CASTOR2: variants seen among roughly 807,000 people sequenced by gnomAD.
CASTOR2 encodes the protein cytosolic arginine sensor for mTORC1 subunit 2, also known as GATS protein like 2.
Under a neutral mutation model 31.2 loss-of-function variants are expected in CASTOR2, and 8 were observed. The ratio of observed to expected loss-of-function variants is 0.26; its 90% CI spans 0.15 to 0.46. The LOEUF (loss-of-function observed/expected upper bound fraction) is 0.46, where lower values mean the gene tolerates loss of function less well. Ranked by LOEUF, CASTOR2 falls within the 20% of genes least tolerant of loss-of-function variation. The probability of loss-of-function intolerance (pLI) is 0.99; values close to 1 mark genes in which losing one functional copy is unlikely to be tolerated. For missense variants in CASTOR2, 216 were observed against 382.1 expected, an observed-to-expected ratio of 0.57 and a Z score of 3.62; for synonymous variants, 162 against 158.7, an observed-to-expected ratio of 1.02 and a Z score of -0.16.
intron 6 of CASTOR2, 42 bp downstream of exon 6, chr7:75,020,191 C>T (rs1804959844): frequency 6.5e-7 from 1 of 1,536,644 alleles, no homozygotes; most frequent in Non-Finnish European, 8.8e-7. Context: ...CAGGGTGGGC[C>T]CCAGGGTCTG....
intron 2 of CASTOR2, among the ~76,000 whole-genome samples, 161 bp downstream of exon 2, chr7:75,008,225 G>T: frequency 6.6e-6 from 1 of 152,086 alleles, no homozygotes; most frequent in Non-Finnish European, 1.5e-5. Context: ...AAACAGCAGA[G>T]TGTATTTCCT....
chr7:75,004,210 G>A (rs1804559809), intron 1 of CASTOR2, among the ~76,000 whole-genome samples: 3 of 152,088 alleles, frequency 2.0e-5, no homozygotes, highest in Non-Finnish European at 2.9e-5. Context: ...GGAAGGGTCC[G>A]GGCCTGACCA....
At chr7:74,976,540 CCTCCTCCT>C (rs1803813564) in intron 1 of CASTOR2, among the ~76,000 whole-genome samples, 1 of 23,054 alleles carries the variant, frequency 4.3e-5, no homozygotes, top group Non-Finnish European at 1.7e-4. Flanking sequence ...GTCTCCTCCT[CCTCCTCCT>C]CCTCCTCCTC....
rs2131962902 is a variant in CASTOR2 at position 75,028,042 on chromosome 7, G to A, written c.*3343G>A. 6.5e-7 allele frequency: 1 copy of A among 1,534,838 alleles called. No homozygotes were observed. The highest frequency in any genetic ancestry group is 8.7e-7 in the Non-Finnish European group (1 of 1,146,722). On this transcript the variant is annotated 3_prime_UTR_variant, in exon 9 of 9. Transcript: ENST00000616305. ...ATCCCCCGGAGGTAATCAGAGGAGT[G>A]GGCCTGTTGTCTTGGCGCTGGCGGA...
At chr7:74,991,431 C>T (rs1369000168) in intron 1 of CASTOR2, among the ~76,000 whole-genome samples, 2 of 150,524 alleles carry the variant, frequency 1.3e-5, no homozygotes, top group Non-Finnish European at 3.0e-5. Flanking sequence ...AGTGCCCCTA[C>T]CCACCCCACC....
At position 75,031,287 on chromosome 7, in the gene CASTOR2, G is replaced by A. The variant is rs895987595; in HGVS notation, c.*6588G>A. 4.6e-5 allele frequency among the ~76,000 whole-genome samples: 7 copies of A among 152,068 alleles called. No individual in the cohort carries two copies. The highest frequency in any genetic ancestry group is 2.1e-4 in the South Asian group (1 of 4,834). ...CAACCCCCTCCAACCCTCACCTGGCGTGCCCGGGTCACCAGCAGCAGCAGC... is the reference window on the plus strand; with the variant it reads ...CAACCCCCTCCAACCCTCACCTGGCATGCCCGGGTCACCAGCAGCAGCAGC... On this transcript the variant is annotated 3_prime_UTR_variant, in exon 9 of 9. Coordinates refer to ENST00000616305, the MANE Select transcript of CASTOR2 (RefSeq NM_001145064.3).
In CASTOR2 at chr7:75,030,352, G is replaced by A. The variant is rs1805266962; in HGVS notation, c.*5653G>A. On this transcript the variant is annotated 3_prime_UTR_variant, in exon 9 of 9. Coordinates refer to ENST00000616305, the MANE Select transcript of CASTOR2 (RefSeq NM_001145064.3). ...TTCTCAGTAGCAGTCTTGTTGTCAG[G>A]CCTTGAGTGCAGAAATGATTAGGTG... Among the ~76,000 whole-genome samples the A allele has an allele frequency of 6.6e-6, 1 of 152,324 alleles. No homozygotes were observed. The highest frequency in any genetic ancestry group is 2.4e-5 in the African/African-American group (1 of 41,570).
At chr7:75,023,093 G>A (rs1251145831) in intron 7 of CASTOR2, among the ~76,000 whole-genome samples, 1 of 152,154 alleles carries the variant, frequency 6.6e-6, no homozygotes, top group Non-Finnish European at 1.5e-5. Context: ...AGGATCACAA[G>A]GTCAGGAGAT....
chr7:75,020,688 A>T (rs1051360463), intron 6 of CASTOR2, among the ~76,000 whole-genome samples: 1 of 151,728 alleles, frequency 6.6e-6, no homozygotes, highest in Non-Finnish European at 1.5e-5. Flanking sequence ...ACCAGGTTTC[A>T]CCATGTTAGC....
intron 6 of CASTOR2, among the ~76,000 whole-genome samples, chr7:75,020,412 G>C (rs1026358271): frequency 1.1e-4 from 17 of 151,440 alleles, no homozygotes; most frequent in Non-Finnish European, 1.9e-4. Context: ...TGTATTTTTA[G>C]TAAAGACAGG....
rs2131953985 is a variant in CASTOR2, at chr7:75,017,682, G to A, written c.269G>A (p.Ser90Asn). The change falls in exon 3 of 9, where the codon AGC becomes AAC. Residue 90 changes from serine to asparagine, a missense_variant. Transcript: ENST00000616305. ...NVVSGGGSFS[S>N]SQPIGVTKIA... ...GTGTCCGGCGGTGGCAGCTTCTCCA[G>A]CTCCCAGCCCATCGGCGTGACCAAG... 2.5e-6 allele frequency: 4 copies of A among 1,614,024 alleles called. No homozygotes were observed. Among genetic ancestry groups the A allele is most frequent in the Non-Finnish European group, 3.4e-6 (4 of 1,179,872 alleles).
intron 1 of CASTOR2, among the ~76,000 whole-genome samples, chr7:74,988,264 GATT>G (rs1483417718): frequency 6.6e-6 from 1 of 151,504 alleles, no homozygotes; most frequent in African/African-American, 2.4e-5. Flanking sequence ...AAGTAGCTGA[GATT>G]ACAAGTGCCC....
intron 1 of CASTOR2, among the ~76,000 whole-genome samples, chr7:75,007,542 C>T (rs1804634699): frequency 6.6e-6 from 1 of 152,044 alleles, no homozygotes; most frequent in Non-Finnish European, 1.5e-5. Context: ...ATTTTTATGA[C>T]TTGGAGCTCC....
chr7:75,025,802 A>C lies in CASTOR2; in HGVS notation c.*1103A>C, dbSNP rs2131960675. Among the ~76,000 whole-genome samples the C allele has an allele frequency of 6.6e-6, 1 of 152,242 alleles. No individual in the cohort carries two copies. Among genetic ancestry groups the C allele is most frequent in the African/African-American group, 2.4e-5 (1 of 41,534 alleles). ...GTAGTTTCTGTTTGGCAGGGATAGG[A>C]CCTGTTTGAGTTCTGTCAAGGGAGC... On this transcript the variant is annotated 3_prime_UTR_variant, in exon 9 of 9. Coordinates refer to ENST00000616305, the MANE Select transcript of CASTOR2 (RefSeq NM_001145064.3).
Position 75,025,383 on chromosome 7 carries a change from C to G in CASTOR2, c.*684C>G, listed in dbSNP as rs924920551. ...AGAGGGCCCTGTCCAGACCCTCCCC[C>G]ACAAGCACTCAGTCCTTGGGGGAGG... On this transcript the variant is annotated 3_prime_UTR_variant, in exon 9 of 9. Transcript: ENST00000616305. Among the ~76,000 whole-genome samples, 4 of 152,320 alleles carry G rather than the reference C, an allele frequency of 2.6e-5. No homozygotes were observed. The highest frequency in any genetic ancestry group is 3.4e-3 in the Middle Eastern group (1 of 294).
intron 1 of CASTOR2, among the ~76,000 whole-genome samples, chr7:74,974,312 G>A (rs1803747447): frequency 6.7e-6 from 1 of 149,012 alleles, no homozygotes; most frequent in Non-Finnish European, 1.5e-5. Context: ...ACCCCGCAGT[G>A]TATACCTGCT....
intron 1 of CASTOR2, among the ~76,000 whole-genome samples, chr7:75,003,130 A>AGG (rs1470719215): frequency 1.3e-5 from 2 of 152,088 alleles, no homozygotes; most frequent in African/African-American, 4.8e-5. Context: ...CCAAAGGCAA[A>AGG]GGGGGACCTG....
chr7:74,967,240 C>T (rs1489948770), intron 1 of CASTOR2, among the ~76,000 whole-genome samples: 3 of 100,874 alleles, frequency 3.0e-5, no homozygotes, highest in East Asian at 7.2e-4. Flanking sequence ...ACACTTCGTC[C>T]GTCTGTAAAA....
chr7:75,021,989 G>A, intron 7 of CASTOR2, 33 bp downstream of exon 7: 1 of 1,549,502 alleles, frequency 6.5e-7, no homozygotes, highest in Non-Finnish European at 8.7e-7. Flanking sequence ...GGGGAATTGA[G>A]GGAGCTGGCA....
Sources: allele counts gnomAD v4.1 joint callset (sites outside exome capture counted in the v4.1 genomes callset), GRCh38; gene constraint gnomAD v4.1.1; transcripts MANE v1.5; gene names NCBI Gene and HGNC (gene_info 2026-07-23, HGNC 2026-07-21).